Variants in ANO3 observed in about 807,000 individuals in gnomAD.
ANO3 encodes anoctamin-3.
ANO3 carries 99 observed loss-of-function variants against 144.8 expected under a neutral mutation model. That is an observed-to-expected ratio of 0.68 (90% CI 0.58 to 0.81). ANO3 has a LOEUF of 0.81. ANO3 is among the 30% of genes least tolerant of loss of function. The probability of loss-of-function intolerance (pLI) is 0.00; values close to 1 mark genes in which losing one functional copy is unlikely to be tolerated. For missense variants in ANO3, 905 were observed against 1,202.2 expected (o/e 0.75, Z 3.66); for synonymous variants, 414 against 392.6 (o/e 1.05, Z -0.64).
intron 1 of ANO3, among the ~76,000 whole-genome samples, chr11:26,413,356 T>TC (rs1160289336): frequency 5.3e-5 from 8 of 152,058 alleles, no homozygotes; most frequent in Admixed American, 5.3e-4. Context: ...TGATGTATTT[T>TC]CATTTCTACA....
chr11:26,338,157 T>C (rs1322241850), intron 1 of ANO3, among the ~76,000 whole-genome samples: 2 of 151,994 alleles, frequency 1.3e-5, no homozygotes, highest in African/African-American at 4.8e-5. Context: ...GAAGCTAATA[T>C]TGTGTGGACA....
intron 18 of ANO3, among the ~76,000 whole-genome samples, chr11:26,628,966 C>T (rs563854488): frequency 6.6e-6 from 1 of 152,238 alleles, no homozygotes; most frequent in Non-Finnish European, 1.5e-5. Context: ...AGCCCCTATA[C>T]ACAAGTGCTT....
At chr11:26,347,522 GT>G (rs1332057180) in intron 1 of ANO3, among the ~76,000 whole-genome samples, 1 of 152,190 alleles carries the variant, frequency 6.6e-6, no homozygotes, top group African/African-American at 2.4e-5. Context: ...AGGAGTTCAT[GT>G]GAAAATGAAA....
At chr11:26,599,810 G>T (rs1456632513) in intron 17 of ANO3, 96 bp downstream of exon 17, 1 of 1,096,088 alleles carries the variant, frequency 9.1e-7, no homozygotes, top group Non-Finnish European at 1.3e-6. Context: ...TTTACATGGA[G>T]CCAAAATAAG....
chr11:26,359,485 A>T (rs972607162), intron 1 of ANO3, among the ~76,000 whole-genome samples: 1 of 152,176 alleles, frequency 6.6e-6, no homozygotes, highest in Non-Finnish European at 1.5e-5. Context: ...TCATACACGT[A>T]TGTACATGTA....
intron 1 of ANO3, among the ~76,000 whole-genome samples, chr11:26,261,676 T>C (rs1853193247): frequency 6.6e-6 from 1 of 152,294 alleles, no homozygotes; most frequent in Admixed American, 6.5e-5. Context: ...GGCAAACTGT[T>C]TCATTTTAGA....
chr11:26,269,632 T>G (rs1853397614), intron 1 of ANO3, among the ~76,000 whole-genome samples: 1 of 152,194 alleles, frequency 6.6e-6, no homozygotes, highest in Admixed American at 6.5e-5. Flanking sequence ...CTCTAGCACC[T>G]GGCAGCTCAG....
At chr11:26,638,363 C>T (rs1853034520) in intron 20 of ANO3, among the ~76,000 whole-genome samples, 1 of 152,212 alleles carries the variant, frequency 6.6e-6, no homozygotes, top group Admixed American at 6.5e-5. Flanking sequence ...TGATTGGTCT[C>T]TCCAAAACAC....
intron 4 of ANO3, among the ~76,000 whole-genome samples, chr11:26,474,422 G>T (rs1008668219): frequency 2.0e-5 from 3 of 151,278 alleles, no homozygotes; most frequent in Non-Finnish European, 4.4e-5. Context: ...CTCTAAAATG[G>T]TTTTTTATTC....
chr11:26,426,348 C>G (rs1166362652), intron 1 of ANO3, among the ~76,000 whole-genome samples: 1 of 152,104 alleles, frequency 6.6e-6, no homozygotes, highest in Non-Finnish European at 1.5e-5. Context: ...TGGACCCCAT[C>G]TTGTGCTATT....
chr11:26,286,661 C>T (rs1167154504), intron 1 of ANO3, among the ~76,000 whole-genome samples: 3 of 151,980 alleles, frequency 2.0e-5, no homozygotes, highest in African/African-American at 7.3e-5. Flanking sequence ...TAACACTCTC[C>T]CAGAAGATGG....
At chr11:26,449,595 T>C (rs1858845416) in intron 3 of ANO3, among the ~76,000 whole-genome samples, 1 of 152,066 alleles carries the variant, frequency 6.6e-6, no homozygotes, top group African/African-American at 2.4e-5. Context: ...TTTATCACTG[T>C]GAGTTTTCTC....
At chr11:26,334,744 T>C (rs931876143) in intron 1 of ANO3, among the ~76,000 whole-genome samples, 2 of 152,232 alleles carry the variant, frequency 1.3e-5, no homozygotes, top group Non-Finnish European at 2.9e-5. Flanking sequence ...TAGTTTACTT[T>C]TACGAATTAA....
At chr11:26,554,574 G>T (rs1430942194) in intron 13 of ANO3, among the ~76,000 whole-genome samples, 1 of 152,038 alleles carries the variant, frequency 6.6e-6, no homozygotes, top group Non-Finnish European at 1.5e-5. Context: ...CCAGTTTTCT[G>T]TGTAGTCACC....
intron 1 of ANO3, among the ~76,000 whole-genome samples, chr11:26,277,581 T>C (rs55642080): frequency 0.088 from 13,316 of 152,068 alleles, 777 homozygotes; most frequent in Non-Finnish European, 0.13. Context: ...TCTAGCCAAA[T>C]TGAACTGCGC....
intron 20 of ANO3, among the ~76,000 whole-genome samples, chr11:26,636,043 A>T (rs7129590): frequency 0.73 from 110,836 of 151,542 alleles, 41,589 homozygotes; most frequent in Non-Finnish European, 0.83. Context: ...ATTTAAAAAA[A>T]ATAAAAATTA....
chr11:26,610,015 G>A (rs901638439), intron 17 of ANO3, among the ~76,000 whole-genome samples: 23 of 152,202 alleles, frequency 1.5e-4, no homozygotes, highest in Admixed American at 6.5e-5. Context: ...GGGTTCAAGC[G>A]ATTCTCCTGC....
chr11:26,225,807 A>G (rs1215587134), intron 1 of ANO3, among the ~76,000 whole-genome samples: 1 of 152,192 alleles, frequency 6.6e-6, no homozygotes, highest in African/African-American at 2.4e-5. Flanking sequence ...GTGAAGCAAC[A>G]TAGAAAATGT....
chr11:26,444,107 A>G (rs1178839982), intron 3 of ANO3, among the ~76,000 whole-genome samples: 2 of 152,236 alleles, frequency 1.3e-5, no homozygotes, highest in East Asian at 1.9e-4. Context: ...TTAAGAACAT[A>G]TAGTCTACTA....
Sources: gnomAD v4.1 joint callset for allele counts (sites outside exome capture counted in the v4.1 genomes callset) on GRCh38, gnomAD v4.1.1 for gene constraint, MANE v1.5 for transcripts, NCBI Gene and HGNC (gene_info 2026-07-23, HGNC 2026-07-21) for gene names.